FAM227A: variants seen among roughly 807,000 people sequenced by gnomAD.
FAM227A encodes protein FAM227A.
In FAM227A, 80 loss-of-function variants were observed where a neutral mutation model predicts 74.7. The ratio of observed to expected loss-of-function variants is 1.07; its 90% CI spans 0.89 to 1.29. The LOEUF (loss-of-function observed/expected upper bound fraction) is 1.29. Among genes scored for constraint, FAM227A ranks in the 50% most tolerant of loss-of-function variants. FAM227A has a pLI of 0.00. For synonymous variants in FAM227A, 237 were observed against 241.8 expected, an observed-to-expected ratio of 0.98 and a Z score of 0.19; for missense variants, 654 against 683.4, an observed-to-expected ratio of 0.96 and a Z score of 0.48.
At chr22:38,603,587 A>G (rs2091222248) in intron 13 of FAM227A, among the ~76,000 whole-genome samples, 1 of 152,192 alleles carries the variant, frequency 6.6e-6, no homozygotes. Flanking sequence ...CATATACACA[A>G]ATACATGCAC....
intron 3 of FAM227A, among the ~76,000 whole-genome samples, 174 bp downstream of exon 3, chr22:38,645,389 C>CA (rs989647338): frequency 1.0e-4 from 15 of 148,644 alleles, no homozygotes; most frequent in African/African-American, 1.7e-4. Context: ...GACTCCATCT[C>CA]AAAAAAAAAT....
intron 6 of FAM227A, among the ~76,000 whole-genome samples, chr22:38,635,917 G>C (rs1226446585): frequency 6.6e-6 from 1 of 151,960 alleles, no homozygotes; most frequent in Non-Finnish European, 1.5e-5. Context: ...CCTGAGTCTG[G>C]GAGTTTGAGG....
At position 38,582,257 on chromosome 22, in the gene FAM227A, G is replaced by T. The variant is rs142429248; in HGVS notation, c.*3868C>A. 1 of 1,357,726 alleles carries T rather than the reference G, an allele frequency of 7.4e-7. No homozygotes were observed. The highest frequency in any genetic ancestry group is 2.5e-5 in the East Asian group (1 of 39,936). The allele number at this position is 1,357,726 out of a possible 1,614,324, so 84.1% of individuals were successfully genotyped here. A position where few individuals can be genotyped will look rare whatever the true frequency, so the allele number is the denominator to read the frequency against. On this transcript the variant is annotated 3_prime_UTR_variant, in exon 17 of 17. Coordinates refer to ENST00000535113, the MANE Select transcript of FAM227A (RefSeq NM_001013647.2). ...CTCCAGCTATCCCTCCTGTTCTTCA[G>T]GAAACTGTATGTTCTAAAACATACA...
intron 11 of FAM227A, among the ~76,000 whole-genome samples, chr22:38,614,141 T>C (rs1166775941): frequency 6.6e-6 from 1 of 152,134 alleles, no homozygotes; most frequent in Non-Finnish European, 1.5e-5. Flanking sequence ...ATATACTACT[T>C]CTCCAGGTTT....
In FAM227A at chr22:38,586,149, G is replaced by A; in HGVS notation, c.1689C>T (p.Phe563=). ...GKRRETEVEH[F]FPLTSKP is the part of the protein sequence containing the mutation. ...CTCAGGGCTTGGAAGTGAGTGGAAA[G>A]AAATGTTCAACTTCTGTTTCTCTTC... Residue 563 remains phenylalanine, a synonymous_variant, in exon 17 of 17, where the codon TTC becomes TTT. Transcript: ENST00000535113. 4.5e-6 allele frequency: 7 copies of A among 1,551,874 alleles called. No individual in the cohort carries two copies. Among genetic ancestry groups the A allele is most frequent in the Non-Finnish European group, 6.1e-6 (7 of 1,147,018 alleles).
chr22:38,618,411 C>T (rs1348551399), intron 11 of FAM227A: 2 of 152,144 alleles, frequency 1.3e-5, no homozygotes, highest in Non-Finnish European at 2.9e-5. Context: ...CACAATTTAC[C>T]ATCCCCAGAA....
chr22:38,612,160 C>T (rs2091426443), intron 11 of FAM227A, among the ~76,000 whole-genome samples: 1 of 152,158 alleles, frequency 6.6e-6, no homozygotes, highest in African/African-American at 2.4e-5. Context: ...TGTGCCCCTC[C>T]AATACATCCT....
intron 15 of FAM227A, among the ~76,000 whole-genome samples, 184 bp from the exon 16 acceptor site, chr22:38,591,724 A>G (rs1379573054): frequency 6.6e-6 from 1 of 152,160 alleles, no homozygotes; most frequent in Non-Finnish European, 1.5e-5. Context: ...TCATATACTG[A>G]GCACGCCCAT....
intron 11 of FAM227A, among the ~76,000 whole-genome samples, chr22:38,616,598 G>T (rs566014353): frequency 6.6e-6 from 1 of 152,022 alleles, no homozygotes; most frequent in South Asian, 2.1e-4. Flanking sequence ...CCTGGGAGGT[G>T]GAGGTTGCAG....
At chr22:38,607,327 A>G in intron 12 of FAM227A, 62 bp downstream of exon 12, 1 of 1,276,654 alleles carries the variant, frequency 7.8e-7, no homozygotes, top group Non-Finnish European at 1.1e-6. Context: ...CCAAGAAACC[A>G]GGGTTTTGGA....
At chr22:38,636,068 GAAAA>G (rs1185033651) in intron 6 of FAM227A, among the ~76,000 whole-genome samples, 101 of 144,290 alleles carry the variant, frequency 7.0e-4, no homozygotes, top group African/African-American at 2.4e-3. Context: ...AAGAAAGAAA[GAAAA>G]AAGAAAGGAA....
intron 13 of FAM227A, 32 bp downstream of exon 13, chr22:38,605,222 C>G (rs1397478403): frequency 7.8e-7 from 1 of 1,277,010 alleles, no homozygotes; most frequent in Non-Finnish European, 1.1e-6. Flanking sequence ...TTGGAATCAC[C>G]TTTACTATTA....
intron 3 of FAM227A, among the ~76,000 whole-genome samples, chr22:38,643,085 C>T (rs1433965737): frequency 1.3e-5 from 2 of 151,870 alleles, no homozygotes; most frequent in Non-Finnish European, 2.9e-5. Flanking sequence ...GAGGCCGAGG[C>T]GGGTGGAACA....
Position 38,636,610 on chromosome 22 carries a change from A to G in FAM227A, c.373-13T>C, listed in dbSNP as rs1215046843. ...TATCTGCTGTTTTCTGAAGCAAAAG[A>G]GCAGAATATGAAAATGGGGTTCACA... On this transcript the variant is annotated splice_polypyrimidine_tract_variant and intron_variant, in intron 5 of 16. Transcript: ENST00000535113. 1.3e-6 allele frequency: 2 copies of G among 1,549,860 alleles called. No homozygotes were observed. Among genetic ancestry groups the G allele is most frequent in the Non-Finnish European group, 1.7e-6 (2 of 1,146,208 alleles).
At chr22:38,624,650 A>G (rs901354322) in intron 9 of FAM227A, among the ~76,000 whole-genome samples, 1 of 152,166 alleles carries the variant, frequency 6.6e-6, no homozygotes, top group Non-Finnish European at 1.5e-5. Context: ...AGAGGTGTCT[A>G]TGTGACGATC....
In FAM227A at chr22:38,581,678, A is replaced by G. The variant is rs1226537774; in HGVS notation, c.*4447T>C. On this transcript the variant is annotated 3_prime_UTR_variant, in exon 17 of 17. Transcript: ENST00000535113. Reference sequence around the variant, plus strand: ...GGTCTCAAACTACTGGTCTCAGGCAATCCACCCGCCTCGGCCTCCCAAAGT... The same window carrying G: ...GGTCTCAAACTACTGGTCTCAGGCAGTCCACCCGCCTCGGCCTCCCAAAGT... 6.6e-6 allele frequency: 1 copy of G among 151,340 alleles called. No individual in the cohort carries two copies. Among genetic ancestry groups the G allele is most frequent in the Non-Finnish European group, 1.5e-5 (1 of 68,000 alleles). 9.4% of individuals were successfully genotyped at this position (151,340 alleles called of 1,614,324 possible).
chr22:38,586,263 T>G, intron 16 of FAM227A, 64 bp from the exon 17 acceptor site: 1 of 1,523,262 alleles, frequency 6.6e-7, no homozygotes. Context: ...CTTCAAAGAC[T>G]TTGCACGTGA....
In FAM227A at chr22:38,646,248, C is replaced by CTTTTTTTT. The variant is rs1165890437; in HGVS notation, c.143-611_143-604dup. On this transcript the variant is annotated intron_variant, in intron 2 of 16. Transcript: ENST00000535113. ...CTTGGGAATTTTCCTTCCAGTATTT[C>CTTTTTTTT]TTTTTTTTTTTTTTTTTTTTTTTTT... Among the ~76,000 whole-genome samples the CTTTTTTTT allele has an allele frequency of 1.5e-3, 122 of 82,394 alleles. 6 individuals carry two copies. Among genetic ancestry groups the CTTTTTTTT allele is most frequent in the African/African-American group, 4.0e-3 (76 of 19,026 alleles). 54.1% of individuals were successfully genotyped at this position (82,394 alleles called of 152,430 possible). A position where few individuals can be genotyped will look rare whatever the true frequency, so the allele number is the denominator to read the frequency against.
chr22:38,623,549 G>A (rs1211624330), intron 9 of FAM227A, among the ~76,000 whole-genome samples: 3 of 152,200 alleles, frequency 2.0e-5, no homozygotes, highest in African/African-American at 7.2e-5. Context: ...GTGGCCTTGG[G>A]TGAGTCACTT....
Sources: gnomAD v4.1 joint callset for allele counts (sites outside exome capture counted in the v4.1 genomes callset) on GRCh38, gnomAD v4.1.1 for gene constraint, MANE v1.5 for transcripts, NCBI Gene and HGNC (gene_info 2026-07-23, HGNC 2026-07-21) for gene names.